The following NTM variants were observed in gnomAD, a reference collection of about 807,000 sequenced individuals.
NTM encodes the protein IgLON family member 2.
In NTM, 13 loss-of-function variants were observed where a neutral mutation model predicts 42.1. That is an observed-to-expected ratio of 0.31 (90% CI 0.20 to 0.49). The LOEUF (loss-of-function observed/expected upper bound fraction) is 0.49. NTM is among the 20% of genes least tolerant of loss of function. The probability of loss-of-function intolerance (pLI) is 0.99; values close to 1 mark genes in which losing one functional copy is unlikely to be tolerated. For missense variants in NTM, 373 were observed against 452.8 expected (o/e 0.82, Z 1.60); for synonymous variants, 187 against 179.2 (o/e 1.04, Z -0.35).
chr11:132,022,661 C>A (rs553583827), intron 2 of NTM, among the ~76,000 whole-genome samples: 1 of 152,234 alleles, frequency 6.6e-6, no homozygotes, highest in Non-Finnish European at 1.5e-5. Flanking sequence ...ATCCATGCTT[C>A]TCTTGAATTC....
intron 1 of NTM, among the ~76,000 whole-genome samples, chr11:131,593,436 G>T (rs941049335): frequency 6.6e-6 from 1 of 152,170 alleles, no homozygotes; most frequent in African/African-American, 2.4e-5. Flanking sequence ...TCAGGCAGGG[G>T]ACTGAGCCTC....
intron 1 of NTM, among the ~76,000 whole-genome samples, chr11:131,659,356 C>T (rs963520697): frequency 2.6e-5 from 4 of 152,192 alleles, no homozygotes; most frequent in African/African-American, 7.2e-5. Context: ...CGGGGTCCTC[C>T]TGTCTCACAG....
intron 2 of NTM, among the ~76,000 whole-genome samples, chr11:132,048,536 G>T (rs970378726): frequency 7.9e-5 from 12 of 152,180 alleles, no homozygotes; most frequent in Non-Finnish European, 1.6e-4. Flanking sequence ...CCTTCAGAGT[G>T]CAAAGGGTTC....
intron 1 of NTM, among the ~76,000 whole-genome samples, chr11:131,737,585 C>G (rs1406689144): frequency 6.6e-6 from 1 of 152,222 alleles, no homozygotes; most frequent in Non-Finnish European, 1.5e-5. Flanking sequence ...TTTACTTCCT[C>G]CTCCCTGTTT....
chr11:132,126,128 G>A (rs2065799729), intron 2 of NTM, among the ~76,000 whole-genome samples: 2 of 152,100 alleles, frequency 1.3e-5, no homozygotes, highest in Non-Finnish European at 2.9e-5. Flanking sequence ...GTGAACGAGT[G>A]CAGAAATACA....
intron 1 of NTM, among the ~76,000 whole-genome samples, chr11:131,621,514 T>C (rs1301621968): frequency 1.3e-5 from 2 of 151,492 alleles, no homozygotes; most frequent in Non-Finnish European, 2.9e-5. Context: ...AAGAGGAAGC[T>C]ACAGGCCTGG....
intron 1 of NTM, among the ~76,000 whole-genome samples, chr11:131,896,054 T>C (rs542445568): frequency 4.6e-5 from 7 of 152,302 alleles, no homozygotes; most frequent in Admixed American, 4.6e-4. Context: ...GTTGGGTCTT[T>C]ATGTCATAGG....
At chr11:131,827,376 C>T (rs2042260206) in intron 1 of NTM, among the ~76,000 whole-genome samples, 2 of 152,034 alleles carry the variant, frequency 1.3e-5, no homozygotes, top group Admixed American at 6.5e-5. Context: ...GTGGGAAAGG[C>T]CAGTGGGGAC....
At chr11:131,682,957 G>A (rs1245553410) in intron 1 of NTM, among the ~76,000 whole-genome samples, 1 of 152,158 alleles carries the variant, frequency 6.6e-6, no homozygotes, top group African/African-American at 2.4e-5. Context: ...GCAGGTAGAT[G>A]TCGTACACAT....
intron 1 of NTM, among the ~76,000 whole-genome samples, chr11:131,715,686 T>C (rs1363686028): frequency 6.6e-6 from 1 of 152,190 alleles, no homozygotes; most frequent in Non-Finnish European, 1.5e-5. Context: ...AGGAAATCAC[T>C]GATCTCCCTT....
At chr11:131,969,785 A>G (rs2063299301) in intron 2 of NTM, among the ~76,000 whole-genome samples, 1 of 152,126 alleles carries the variant, frequency 6.6e-6, no homozygotes, top group African/African-American at 2.4e-5. Context: ...CAATGTTTTC[A>G]TTTTAGTATA....
At chr11:131,961,696 C>T (rs538818169) in intron 2 of NTM, among the ~76,000 whole-genome samples, 27 of 152,174 alleles carry the variant, frequency 1.8e-4, no homozygotes, top group Admixed American at 1.7e-3. Context: ...CAAGAGTGGC[C>T]GGCAGTGAGG....
At chr11:132,211,875 G>A (rs2082905445) in intron 3 of NTM, 147 bp from the exon 4 acceptor site, 1 of 665,938 alleles carries the variant, frequency 1.5e-6, no homozygotes, top group African/African-American at 1.9e-5. Context: ...ACTTTTTTAT[G>A]TTTAAGGTAA....
intron 4 of NTM, among the ~76,000 whole-genome samples, chr11:132,299,747 C>T (rs2094771696): frequency 6.6e-6 from 1 of 152,166 alleles, no homozygotes; most frequent in African/African-American, 2.4e-5. Flanking sequence ...TGCAGTGTTA[C>T]AACAGGCAAA....
intron 1 of NTM, chr11:131,911,341 T>G: frequency 6.7e-7 from 1 of 1,500,238 alleles, no homozygotes; most frequent in Non-Finnish European, 8.9e-7. Flanking sequence ...TGCGCGCTTT[T>G]CTCCTCCCCG....
chr11:131,588,252 A>T (rs1447523228), intron 1 of NTM, among the ~76,000 whole-genome samples: 1 of 152,266 alleles, frequency 6.6e-6, no homozygotes, highest in Non-Finnish European at 1.5e-5. Context: ...GCGTCTGCAC[A>T]GGGCTTCCTC....
chr11:131,374,754 A>G (rs1482014276), intron 1 of NTM, among the ~76,000 whole-genome samples: 1 of 152,158 alleles, frequency 6.6e-6, no homozygotes, highest in Non-Finnish European at 1.5e-5. Flanking sequence ...GTCCCTTGGG[A>G]TGAAGTGAGC....
intron 1 of NTM, among the ~76,000 whole-genome samples, chr11:131,715,259 A>G (rs1339685788): frequency 1.3e-5 from 2 of 152,214 alleles, no homozygotes; most frequent in Non-Finnish European, 2.9e-5. Context: ...TACTATTCCT[A>G]TTTATAGCAA....
Position 132,076,527 on chromosome 11 carries a change from G to A in NTM, c.168-69755G>A, listed in dbSNP as rs566122088. On this transcript the variant is annotated intron_variant, in intron 2 of 8. Coordinates refer to ENST00000683400, the MANE Select transcript of NTM (RefSeq NM_001352005.2). Reference sequence around the variant, plus strand: ...TGGAGCTAACATTCTCTTGGAGAGTGGGGAAATTTGAAAATCAAATCTAAT... The same window carrying A: ...TGGAGCTAACATTCTCTTGGAGAGTAGGGAAATTTGAAAATCAAATCTAAT... 3.3e-5 allele frequency among the ~76,000 whole-genome samples: 5 copies of A among 152,282 alleles called. No homozygotes were observed. The South Asian group carries it at 1.0e-3, about 32-fold the overall frequency.
Sources: gnomAD v4.1 joint callset for allele counts (sites outside exome capture counted in the v4.1 genomes callset) on GRCh38, gnomAD v4.1.1 for gene constraint, MANE v1.5 for transcripts, NCBI Gene and HGNC (gene_info 2026-07-23, HGNC 2026-07-21) for gene names.